PMS1: variants seen among roughly 807,000 people sequenced by gnomAD.
PMS1 encodes PMS1 homolog 1, mismatch repair system component.
In PMS1, 79 loss-of-function variants were observed where a neutral mutation model predicts 93.1. The observed-to-expected ratio is 0.85, with a 90% CI of 0.71 to 1.02. The LOEUF (loss-of-function observed/expected upper bound fraction) is 1.02. PMS1 is among the 50% of genes least tolerant of loss of function. The probability of loss-of-function intolerance (pLI) is 0.00; values close to 1 mark genes in which losing one functional copy is unlikely to be tolerated. For missense variants in PMS1, 1,064 were observed against 1,085.3 expected (o/e 0.98, Z 0.28); for synonymous variants, 335 against 363.4 (o/e 0.92, Z 0.89).
At position 189,786,375 on chromosome 2, in the gene PMS1, C is replaced by G. The variant is rs2048348508; in HGVS notation, c.-21+1782C>G. ...CAATTAGGTGGTTATTGCAGTAGTT[C>G]AGGAGAGAAAGGCCGAATGGAGGCA... On this transcript the variant is annotated intron_variant, in intron 1 of 12. Coordinates refer to ENST00000441310, the MANE Select transcript of PMS1 (RefSeq NM_000534.5). Among the ~76,000 whole-genome samples, 5 of 152,034 alleles carry G rather than the reference C, an allele frequency of 3.3e-5. No homozygotes were observed. In the South Asian group the frequency reaches 1.0e-3, roughly 32 times the overall value.
chr2:189,796,105 T>C (rs966301779), intron 3 of PMS1, among the ~76,000 whole-genome samples, 154 bp downstream of exon 3: 30 of 152,330 alleles, frequency 2.0e-4, no homozygotes, highest in African/African-American at 7.0e-4. Flanking sequence ...ACGCCTGTAA[T>C]CCCAGCACTT....
chr2:189,874,851 T>C (rs1253843494), intron 12 of PMS1, among the ~76,000 whole-genome samples: 3 of 152,212 alleles, frequency 2.0e-5, no homozygotes, highest in African/African-American at 7.2e-5. Context: ...GTGAAAGAGT[T>C]AGTATGAACT....
At chr2:189,855,859 T>A in intron 9 of PMS1, 1 of 1,105,876 alleles carries the variant, frequency 9.0e-7, no homozygotes, top group Non-Finnish European at 1.2e-6. Context: ...AATATTATGT[T>A]CTGGTGATCT....
intron 12 of PMS1, among the ~76,000 whole-genome samples, chr2:189,875,264 G>T (rs118051359): frequency 6.6e-6 from 1 of 150,724 alleles, no homozygotes; most frequent in East Asian, 1.9e-4. Flanking sequence ...AATCGTAATG[G>T]CAAAGTACAA....
chr2:189,819,011 C>T (rs2051580266), intron 5 of PMS1, among the ~76,000 whole-genome samples: 1 of 152,102 alleles, frequency 6.6e-6, no homozygotes, highest in Non-Finnish European at 1.5e-5. Flanking sequence ...AATAACATAC[C>T]TTTTACCTTT....
intron 5 of PMS1, among the ~76,000 whole-genome samples, chr2:189,820,302 CTT>C (rs112459960): frequency 6.7e-6 from 1 of 149,448 alleles, no homozygotes; most frequent in Non-Finnish European, 1.5e-5. Context: ...TGCTCTCTTC[CTT>C]TTTTTTTTCT....
chr2:189,849,292 T>G (rs1468215079), intron 6 of PMS1, among the ~76,000 whole-genome samples: 2 of 152,198 alleles, frequency 1.3e-5, no homozygotes, highest in Non-Finnish European at 2.9e-5. Flanking sequence ...TGCATTAGTT[T>G]ATGCTAAGTT....
intron 6 of PMS1, among the ~76,000 whole-genome samples, chr2:189,850,533 C>T (rs989755960): frequency 6.6e-6 from 1 of 152,108 alleles, no homozygotes; most frequent in Non-Finnish European, 1.5e-5. Flanking sequence ...ACAGCTATAT[C>T]TTAGCATCAC....
intron 5 of PMS1, among the ~76,000 whole-genome samples, chr2:189,833,291 A>G (rs959242804): frequency 5.3e-5 from 8 of 152,180 alleles, no homozygotes; most frequent in African/African-American, 9.6e-5. Flanking sequence ...TATAGTTAAT[A>G]TAAGAAGTAA....
chr2:189,855,529 A>T (rs766226523), intron 9 of PMS1, among the ~76,000 whole-genome samples: 19 of 151,824 alleles, frequency 1.3e-4, no homozygotes, highest in Non-Finnish European at 2.1e-4. Context: ...GGTGTTTTTA[A>T]TATCTTAACT....
chr2:189,871,087 G>T (rs2057106913), intron 11 of PMS1, among the ~76,000 whole-genome samples: 1 of 152,146 alleles, frequency 6.6e-6, no homozygotes, highest in African/African-American at 2.4e-5. Context: ...TCATTTCTTT[G>T]CTCTGATGGT....
intron 6 of PMS1, among the ~76,000 whole-genome samples, chr2:189,847,444 T>C (rs2054347121): frequency 6.6e-6 from 1 of 151,722 alleles, no homozygotes; most frequent in African/African-American, 2.4e-5. Flanking sequence ...TTGAGAGATC[T>C]GATTTTTAAA....
intron 6 of PMS1, among the ~76,000 whole-genome samples, chr2:189,848,435 G>T (rs1318576452): frequency 2.0e-5 from 3 of 152,182 alleles, no homozygotes; most frequent in Non-Finnish European, 4.4e-5. Flanking sequence ...ATGATTTCAT[G>T]AGTGAACGAG....
chr2:189,787,466 G>A lies in PMS1; in HGVS notation c.-21+2873G>A, dbSNP rs2048458438. ...AAGTTTTACAGTTCAGGACAAAGAT[G>A]TAGTAGGTTTAATTATACAATTTAA... On this transcript the variant is annotated intron_variant, in intron 1 of 12. Coordinates refer to ENST00000441310, the MANE Select transcript of PMS1 (RefSeq NM_000534.5). Among the ~76,000 whole-genome samples the A allele has an allele frequency of 2.0e-5, 3 of 152,170 alleles. No homozygotes were observed. The South Asian group carries it at 6.2e-4, about 32-fold the overall frequency.
At chr2:189,817,691 T>TTC (rs2051446809) in intron 4 of PMS1, among the ~76,000 whole-genome samples, 1 of 152,228 alleles carries the variant, frequency 6.6e-6, no homozygotes, top group Non-Finnish European at 1.5e-5. Flanking sequence ...AAGTCCAGAA[T>TTC]AAGCACCATT....
intron 3 of PMS1, among the ~76,000 whole-genome samples, chr2:189,798,181 A>G (rs929515599): frequency 1.1e-4 from 16 of 152,164 alleles, no homozygotes; most frequent in African/African-American, 3.1e-4. Context: ...ACTGCTTTCT[A>G]CTGAATGCAT....
intron 1 of PMS1, among the ~76,000 whole-genome samples, chr2:189,791,074 CT>C (rs199955049): frequency 0.042 from 6,140 of 144,490 alleles, 127 homozygotes; most frequent in South Asian, 0.076. Context: ...TTATTGTGGA[CT>C]TTTTTTTTTT....
intron 5 of PMS1, among the ~76,000 whole-genome samples, chr2:189,822,620 C>A (rs1230749723): frequency 6.6e-6 from 1 of 152,142 alleles, no homozygotes; most frequent in African/African-American, 2.4e-5. Context: ...AACATAAATT[C>A]ATCCATTCCT....
Position 189,842,251 on chromosome 2 carries a change from T to C in PMS1, c.583-1713T>C, listed in dbSNP as rs2053878408. On this transcript the variant is annotated intron_variant, in intron 5 of 12. Coordinates refer to ENST00000441310, the MANE Select transcript of PMS1 (RefSeq NM_000534.5). ...TTTCTTCAAAAACGTCCTTATTCTG[T>C]GTACCACACTTTGCTGCTGCTCTTT... 2.0e-5 allele frequency among the ~76,000 whole-genome samples: 3 copies of C among 152,198 alleles called. No homozygotes were observed. In the South Asian group the frequency reaches 6.2e-4, roughly 32 times the overall value.
Sources: allele counts gnomAD v4.1 joint callset (sites outside exome capture counted in the v4.1 genomes callset), GRCh38; gene constraint gnomAD v4.1.1; transcripts MANE v1.5; gene names NCBI Gene and HGNC (gene_info 2026-07-23, HGNC 2026-07-21).